The following RCL1 variants were observed in gnomAD, a reference collection of about 807,000 sequenced individuals.
The protein encoded by RCL1 is RNA 3'-terminal phosphate cyclase-like protein.
A neutral mutation model predicts 42.4 loss-of-function variants in RCL1; 24 were observed. The observed-to-expected ratio is 0.57, with a 90% CI of 0.41 to 0.80. The LOEUF is 0.80. RCL1 is among the 30% of genes least tolerant of loss of function. The pLI is 0.00. For synonymous variants in RCL1, 228 were observed against 177.3 expected (o/e 1.29, Z -2.27); for missense variants, 578 against 467.9 (o/e 1.24, Z -2.17).
chr9:4,811,886 C>T (rs1207713302), intron 1 of RCL1, among the ~76,000 whole-genome samples: 2 of 152,156 alleles, frequency 1.3e-5, no homozygotes, highest in East Asian at 3.9e-4. Flanking sequence ...TTAATAATTG[C>T]CATTCTAACT....
intron 1 of RCL1, among the ~76,000 whole-genome samples, chr9:4,797,220 A>C (rs2130961293): frequency 6.6e-6 from 1 of 152,358 alleles, no homozygotes; most frequent in East Asian, 1.9e-4. Context: ...GGACTAAATG[A>C]AATAATACTT....
intron 4 of RCL1, 42 bp from the exon 5 acceptor site, chr9:4,834,099 C>G: frequency 6.3e-7 from 1 of 1,597,612 alleles, no homozygotes; most frequent in Non-Finnish European, 8.5e-7. Flanking sequence ...TAATCCATTG[C>G]TTTGCTGCAT....
intron 5 of RCL1, among the ~76,000 whole-genome samples, chr9:4,836,399 A>G (rs1483836205): frequency 6.6e-6 from 1 of 152,192 alleles, no homozygotes; most frequent in East Asian, 1.9e-4. Context: ...AGGTCAAGGG[A>G]TGAGAAACTT....
At chr9:4,827,251 C>T (rs1479103111) in intron 3 of RCL1, 2 of 1,477,232 alleles carry the variant, frequency 1.4e-6, no homozygotes, top group Non-Finnish European at 1.8e-6. Flanking sequence ...TACCAAGGTG[C>T]CTTTTGTTGT....
intron 1 of RCL1, among the ~76,000 whole-genome samples, chr9:4,794,006 C>A (rs1303164042): frequency 6.6e-6 from 1 of 152,202 alleles, no homozygotes; most frequent in Admixed American, 6.5e-5. Flanking sequence ...TTTCAACTGG[C>A]CTTGGTTTAC....
At chr9:4,834,065 A>G in intron 4 of RCL1, 76 bp from the exon 5 acceptor site, 2 of 1,523,604 alleles carry the variant, frequency 1.3e-6, no homozygotes, top group Non-Finnish European at 1.8e-6. Context: ...GCTGGTGTAA[A>G]CCTTCCTGGG....
At chr9:4,817,096 C>T (rs912093676) in intron 1 of RCL1, among the ~76,000 whole-genome samples, 1 of 152,012 alleles carries the variant, frequency 6.6e-6, no homozygotes, top group African/African-American at 2.4e-5. Flanking sequence ...GGATTACAGG[C>T]GTGAGCCACT....
intron 1 of RCL1, among the ~76,000 whole-genome samples, chr9:4,807,299 T>G (rs1020191578): frequency 4.6e-5 from 7 of 152,228 alleles, no homozygotes; most frequent in African/African-American, 1.7e-4. Flanking sequence ...CTTCACTTGC[T>G]TTGAGTTTAT....
At chr9:4,847,860 A>T (rs1156763589) in intron 7 of RCL1, among the ~76,000 whole-genome samples, 3 of 152,048 alleles carry the variant, frequency 2.0e-5, no homozygotes, top group Non-Finnish European at 4.4e-5. Context: ...ATTTTTCCCC[A>T]TCATTCTGTT....
intron 3 of RCL1, 41 bp downstream of exon 3, chr9:4,827,074 T>A: frequency 6.2e-7 from 1 of 1,613,556 alleles, no homozygotes; most frequent in East Asian, 2.2e-5. Context: ...TTTTGTTTTG[T>A]CTCTTGTCAC....
intron 1 of RCL1, among the ~76,000 whole-genome samples, chr9:4,806,354 A>C (rs753175515): frequency 6.6e-6 from 1 of 152,002 alleles, no homozygotes; most frequent in Admixed American, 6.6e-5. Flanking sequence ...TGTTAGCTAT[A>C]TGTTTTATGT....
intron 3 of RCL1, chr9:4,827,265 C>G (rs988909457): frequency 2.1e-6 from 3 of 1,434,990 alleles, no homozygotes; most frequent in African/African-American, 2.9e-5. Context: ...TTGTTGTTAC[C>G]TAAGAACCTT....
At chr9:4,855,733 A>C (rs1464912735) in intron 8 of RCL1, among the ~76,000 whole-genome samples, 1 of 152,134 alleles carries the variant, frequency 6.6e-6, no homozygotes, top group Non-Finnish European at 1.5e-5. Context: ...AGATTCTGAA[A>C]TGTACCTTAA....
At chr9:4,831,974 G>C (rs958689048) in intron 3 of RCL1, among the ~76,000 whole-genome samples, 61 of 152,312 alleles carry the variant, frequency 4.0e-4, no homozygotes, top group Non-Finnish European at 1.2e-4. Context: ...CAGGACTAGG[G>C]CTTTTCCTAT....
At chr9:4,816,806 GTAATAA>G (rs142434543) in intron 1 of RCL1, among the ~76,000 whole-genome samples, 1 of 151,752 alleles carries the variant, frequency 6.6e-6, no homozygotes, top group East Asian at 1.9e-4. Flanking sequence ...TGTGCTTTGG[GTAATAA>G]TAATAATAAT....
chr9:4,856,832 G>A (rs932321453), intron 8 of RCL1, among the ~76,000 whole-genome samples: 6 of 152,174 alleles, frequency 3.9e-5, no homozygotes, highest in African/African-American at 9.7e-5. Flanking sequence ...GGTTGTTAAT[G>A]TTTCATCTCT....
intron 1 of RCL1, among the ~76,000 whole-genome samples, chr9:4,796,978 A>G (rs1383684388): frequency 6.6e-6 from 1 of 152,182 alleles, no homozygotes; most frequent in Non-Finnish European, 1.5e-5. Flanking sequence ...TAAGTCAAAA[A>G]GTTCTTTATT....
intron 3 of RCL1, among the ~76,000 whole-genome samples, chr9:4,828,888 C>T (rs1244823037): frequency 6.6e-6 from 1 of 152,146 alleles, no homozygotes; most frequent in Non-Finnish European, 1.5e-5. Flanking sequence ...ACTAAAATGA[C>T]CTTGGTTGGT....
chr9:4,805,260 G>C (rs921554365), intron 1 of RCL1, among the ~76,000 whole-genome samples: 10 of 152,138 alleles, frequency 6.6e-5, no homozygotes, highest in African/African-American at 1.9e-4. Context: ...GGTGAGGTGG[G>C]ACCTGTAGTC....
Sources: gnomAD v4.1 joint callset for allele counts (sites outside exome capture counted in the v4.1 genomes callset) on GRCh38, gnomAD v4.1.1 for gene constraint, MANE v1.5 for transcripts, NCBI Gene and HGNC (gene_info 2026-07-23, HGNC 2026-07-21) for gene names.